KANK1: variants seen among roughly 807,000 people sequenced by gnomAD.
The protein encoded by KANK1 is KN motif and ankyrin repeat domain-containing protein 1.
Under a neutral mutation model 106.2 loss-of-function variants are expected in KANK1, and 109 were observed. That is an observed-to-expected ratio of 1.03 (90% CI 0.88 to 1.20). KANK1 has a LOEUF of 1.20. KANK1 is among the 50% of genes most tolerant of loss of function. The pLI, the probability that KANK1 is intolerant of heterozygous loss-of-function variation, is 0.00. For missense variants in KANK1, 2,399 were observed against 1,710.7 expected (o/e 1.40, Z -7.10); for synonymous variants, 873 against 652.2 (o/e 1.34, Z -5.16).
intron 2 of KANK1, among the ~76,000 whole-genome samples, chr9:692,714 GAA>G (rs34071572): frequency 2.0e-4 from 30 of 147,964 alleles, no homozygotes; most frequent in Middle Eastern, 3.4e-3. Context: ...TTCTGCTTTT[GAA>G]AAAAAAAAAA....
At chr9:687,186 A>G (rs1184026790) in intron 2 of KANK1, among the ~76,000 whole-genome samples, 1 of 152,146 alleles carries the variant, frequency 6.6e-6, no homozygotes, top group Non-Finnish European at 1.5e-5. Flanking sequence ...ATTTGGCAGA[A>G]TACATCTTTG....
At chr9:548,980 G>A (rs1026302927) in intron 1 of KANK1, 12 of 152,032 alleles carry the variant, frequency 7.9e-5, no homozygotes, top group African/African-American at 2.4e-4. Flanking sequence ...GAAATTTTAT[G>A]GTCTGGTCAA....
At chr9:492,436 T>C (rs1267180985) in intron 3 of KANK1, among the ~76,000 whole-genome samples, 2 of 152,164 alleles carry the variant, frequency 1.3e-5, no homozygotes, top group African/African-American at 4.8e-5. Context: ...TTGGGCAGGT[T>C]ACTTAAACCT....
intron 1 of KANK1, among the ~76,000 whole-genome samples, chr9:541,977 T>C (rs2060630093): frequency 6.6e-6 from 1 of 150,840 alleles, no homozygotes. Flanking sequence ...TAGTCCCAGC[T>C]ACTCGGGAGG....
At chr9:674,797 A>G (rs1816043530) in intron 1 of KANK1, among the ~76,000 whole-genome samples, 1 of 152,080 alleles carries the variant, frequency 6.6e-6, no homozygotes, top group Non-Finnish European at 1.5e-5. Flanking sequence ...TCCGTCTCCC[A>G]GGTTCAAGTG....
chr9:639,136 C>CT (rs1401911451), intron 1 of KANK1, among the ~76,000 whole-genome samples: 1 of 152,090 alleles, frequency 6.6e-6, no homozygotes, highest in East Asian at 1.9e-4. Flanking sequence ...CTTTGTTTCA[C>CT]TAGGCTTCAA....
chr9:619,853 G>C (rs941687389), intron 1 of KANK1, among the ~76,000 whole-genome samples: 9 of 151,946 alleles, frequency 5.9e-5, no homozygotes, highest in African/African-American at 2.2e-4. Flanking sequence ...TTCTTTCGTT[G>C]TGGCTGGGTG....
chr9:650,878 G>C (rs1387307754), intron 1 of KANK1, among the ~76,000 whole-genome samples: 1 of 152,136 alleles, frequency 6.6e-6, no homozygotes, highest in Non-Finnish European at 1.5e-5. Flanking sequence ...AAGAAGTGGA[G>C]GGAAGGGCTG....
chr9:504,814 C>T (rs1478045958), intron 1 of KANK1, 60 bp downstream of exon 1: 2 of 48,604 alleles, frequency 4.1e-5, no homozygotes, highest in Non-Finnish European at 8.2e-5. Context: ...TCCCGGAGCG[C>T]GAGGCCCCTA....
At chr9:644,182 A>G (rs1266798371) in intron 1 of KANK1, among the ~76,000 whole-genome samples, 3 of 151,018 alleles carry the variant, frequency 2.0e-5, no homozygotes, top group Admixed American at 6.6e-5. Context: ...AGGAAGCAGA[A>G]GTAGAGCAGA....
chr9:636,097 T>C (rs79505054), intron 1 of KANK1, among the ~76,000 whole-genome samples: 3,642 of 152,314 alleles, frequency 0.024, 164 homozygotes, highest in African/African-American at 0.084. Flanking sequence ...TCAGAATTAT[T>C]GGAGGAGCTT....
chr9:591,562 A>G (rs16920639), intron 1 of KANK1, among the ~76,000 whole-genome samples: 7,685 of 150,924 alleles, frequency 0.051, 790 homozygotes, highest in African/African-American at 0.18. Context: ...GAATATGCCA[A>G]CCTCCTTCCT....
chr9:684,595 C>T (rs1416857111), intron 2 of KANK1: 2 of 984,912 alleles, frequency 2.0e-6, no homozygotes, highest in Non-Finnish European at 2.4e-6. Flanking sequence ...GCATTTATTT[C>T]TGATTATGCA....
chr9:564,190 G>T (rs893731420), intron 1 of KANK1, among the ~76,000 whole-genome samples: 3 of 151,698 alleles, frequency 2.0e-5, no homozygotes, highest in African/African-American at 7.3e-5. Context: ...CTCCTCAGTA[G>T]CTGGGATTAC....
At chr9:535,021 G>A (rs941321927) in intron 1 of KANK1, among the ~76,000 whole-genome samples, 3 of 152,184 alleles carry the variant, frequency 2.0e-5, no homozygotes, top group Non-Finnish European at 2.9e-5. Flanking sequence ...CCCTCCTGCT[G>A]GGCCTCGCAG....
chr9:502,064 T>A (rs2132485962), upstream of KANK1, among the ~76,000 whole-genome samples: 1 of 152,352 alleles, frequency 6.6e-6, no homozygotes, highest in Non-Finnish European at 1.5e-5. Context: ...GGATGAGCCT[T>A]GCAACTATTA....
Position 712,559 on chromosome 9 carries a change from G to A in KANK1, c.1793G>A (p.Ser598Asn). The change falls in exon 3 of 12, where the codon AGC becomes AAC. Residue 598 changes from serine to asparagine, a missense_variant. Coordinates refer to ENST00000382297, the MANE Select transcript of KANK1 (RefSeq NM_015158.5). ...GACAAGAGTGTGAGTGTGGAAGTCAGCGTCTGCGAAACAGGCAGCAACACA... is the reference window on the plus strand; with the variant it reads ...GACAAGAGTGTGAGTGTGGAAGTCAACGTCTGCGAAACAGGCAGCAACACA... ...MCDKSVSVEV[S>N]VCETGSNTEE... 6.2e-7 allele frequency: 1 copy of A among 1,614,188 alleles called. No individual in the cohort carries two copies. The highest frequency in any genetic ancestry group is 8.5e-7 in the Non-Finnish European group (1 of 1,180,034).
At chr9:734,967 G>C (rs1037790369) in intron 7 of KANK1, 132 bp downstream of exon 7, 1 of 670,436 alleles carries the variant, frequency 1.5e-6, no homozygotes, top group African/African-American at 1.8e-5. Context: ...AGCATGAGTG[G>C]GCTGGGTAAA....
chr9:506,297 C>G (rs781552878), intron 1 of KANK1, among the ~76,000 whole-genome samples: 15 of 152,164 alleles, frequency 9.9e-5, no homozygotes, highest in Non-Finnish European at 2.1e-4. Flanking sequence ...GGGAAAGGTG[C>G]TGCTGAAGCA....
Sources: allele counts gnomAD v4.1 joint callset (sites outside exome capture counted in the v4.1 genomes callset), GRCh38; gene constraint gnomAD v4.1.1; transcripts MANE v1.5; gene names NCBI Gene and HGNC (gene_info 2026-07-23, HGNC 2026-07-21).